Variants in SLC24A2 observed in about 807,000 individuals in gnomAD.
The protein encoded by SLC24A2 is sodium/potassium/calcium exchanger 2.
A neutral mutation model predicts 62.0 loss-of-function variants in SLC24A2; 36 were observed. The observed-to-expected ratio is 0.58, with a 90% CI of 0.44 to 0.77. The LOEUF (loss-of-function observed/expected upper bound fraction) is 0.77, where lower values mean the gene tolerates loss of function less well. Ranked by LOEUF, SLC24A2 falls within the 30% of genes least tolerant of loss-of-function variation. SLC24A2 has a pLI of 0.00. For synonymous variants in SLC24A2, 358 were observed against 294.0 expected (o/e 1.22, Z -2.23); for missense variants, 846 against 817.9 (o/e 1.03, Z -0.42).
At chr9:20,274,989 C>T in the SLC24A2 span, among the ~76,000 whole-genome samples, 1 of 152,014 alleles carries the variant, frequency 6.6e-6, no homozygotes, top group Non-Finnish European at 1.5e-5. Context: ...TCAGTCAGAC[C>T]CTAGATGACA....
At chr9:19,583,953 C>A (rs188358543) in intron 5 of SLC24A2, among the ~76,000 whole-genome samples, 266 of 152,194 alleles carry the variant, frequency 1.7e-3, no homozygotes, top group African/African-American at 6.1e-3. Context: ...CAATGTCCAA[C>A]CTGAAGGTTT....
intron 1 of SLC24A2, chr9:19,788,490 G>A (rs1699884958): frequency 1.0e-6 from 1 of 984,948 alleles, no homozygotes; most frequent in Non-Finnish European, 1.2e-6. Flanking sequence ...ACTTTCCCTG[G>A]TGGATTAATA....
chr9:19,543,072 T>C (rs1834357888), intron 8 of SLC24A2, among the ~76,000 whole-genome samples: 1 of 152,096 alleles, frequency 6.6e-6, no homozygotes, highest in Non-Finnish European at 1.5e-5. Context: ...GTTCTGGACT[T>C]TGGTAGGCTA....
At chr9:19,620,282 G>T (rs980354288) in intron 3 of SLC24A2, among the ~76,000 whole-genome samples, 1 of 152,188 alleles carries the variant, frequency 6.6e-6, no homozygotes, top group African/African-American at 2.4e-5. Flanking sequence ...AAGTTAAGAA[G>T]AATAACACAG....
At chr9:19,952,632 G>A in the SLC24A2 span, among the ~76,000 whole-genome samples, 2 of 147,320 alleles carry the variant, frequency 1.4e-5, no homozygotes, top group Non-Finnish European at 3.0e-5. Flanking sequence ...ACATTGTTGG[G>A]TTTGGTTGGC....
chr9:20,120,715 A>G, the SLC24A2 span, among the ~76,000 whole-genome samples: 3 of 152,116 alleles, frequency 2.0e-5, no homozygotes, highest in Non-Finnish European at 2.9e-5. Flanking sequence ...TTGGGGAAAA[A>G]AAAATAAGGA....
the SLC24A2 span, among the ~76,000 whole-genome samples, chr9:20,241,113 A>T: frequency 0.017 from 2,555 of 152,322 alleles, 79 homozygotes; most frequent in African/African-American, 0.058. Context: ...TACCTTTACC[A>T]ATGAAACCAC....
chr9:19,764,704 T>G (rs556721713), intron 2 of SLC24A2, among the ~76,000 whole-genome samples: 17 of 152,240 alleles, frequency 1.1e-4, no homozygotes, highest in African/African-American at 4.1e-4. Flanking sequence ...TGCTGTGGAG[T>G]GTTTTACTTC....
At chr9:20,297,446 G>T in the SLC24A2 span, among the ~76,000 whole-genome samples, 1 of 152,222 alleles carries the variant, frequency 6.6e-6, no homozygotes, top group Admixed American at 6.5e-5. Flanking sequence ...CCAGGGGAAG[G>T]TGGGATGGGA....
At chr9:19,639,644 C>A (rs886536788) in intron 2 of SLC24A2, among the ~76,000 whole-genome samples, 1 of 152,234 alleles carries the variant, frequency 6.6e-6, no homozygotes, top group Admixed American at 6.5e-5. Flanking sequence ...ATATGGGTCA[C>A]TTTAGTAATA....
chr9:19,963,520 A>T, the SLC24A2 span, among the ~76,000 whole-genome samples: 2 of 152,116 alleles, frequency 1.3e-5, no homozygotes, highest in African/African-American at 4.8e-5. Flanking sequence ...ACAAATTTAC[A>T]AGAAAAAAAC....
intron 7 of SLC24A2, among the ~76,000 whole-genome samples, chr9:19,566,958 T>TGTGGG (rs1835675971): frequency 6.9e-6 from 1 of 144,594 alleles, no homozygotes; most frequent in East Asian, 2.0e-4. Flanking sequence ...CGGGGCCTGT[T>TGTGGG]GTGGGGTGGG....
intron 2 of SLC24A2, among the ~76,000 whole-genome samples, chr9:19,641,545 C>CA (rs1167184846): frequency 2.8e-5 from 4 of 142,092 alleles, no homozygotes; most frequent in African/African-American, 1.0e-4. Flanking sequence ...GATGGAGTCT[C>CA]ACTCGGTCGC....
the SLC24A2 span, among the ~76,000 whole-genome samples, chr9:20,293,010 G>T: frequency 6.6e-6 from 1 of 152,188 alleles, no homozygotes; most frequent in Non-Finnish European, 1.5e-5. Context: ...TGGTTTGCTG[G>T]CAATCTTTGG....
At chr9:19,995,366 A>C in the SLC24A2 span, among the ~76,000 whole-genome samples, 2 of 152,036 alleles carry the variant, frequency 1.3e-5, no homozygotes, top group Non-Finnish European at 2.9e-5. Flanking sequence ...GAGAGCGTGG[A>C]GGTTATGTGT....
the SLC24A2 span, among the ~76,000 whole-genome samples, chr9:19,914,907 A>G: frequency 6.6e-6 from 1 of 152,094 alleles, no homozygotes; most frequent in Non-Finnish European, 1.5e-5. Flanking sequence ...CACACATTTG[A>G]TTTGTATTTT....
At chr9:20,055,476 A>G in the SLC24A2 span, among the ~76,000 whole-genome samples, 1 of 152,202 alleles carries the variant, frequency 6.6e-6, no homozygotes, top group Non-Finnish European at 1.5e-5. Context: ...TGTAAATTTC[A>G]TAACAACTCT....
chr9:19,829,465 G>A, the SLC24A2 span, among the ~76,000 whole-genome samples: 1 of 152,096 alleles, frequency 6.6e-6, no homozygotes, highest in East Asian at 1.9e-4. Context: ...ACATGGTTTG[G>A]CCAATGCCTT....
chr9:19,567,013 G>A (rs1835679215), intron 7 of SLC24A2, among the ~76,000 whole-genome samples: 1 of 151,612 alleles, frequency 6.6e-6, no homozygotes, highest in East Asian at 1.9e-4. Context: ...AATGTAAATG[G>A]CGAGTTAATG....
Sources: gnomAD v4.1 joint callset for allele counts (sites outside exome capture counted in the v4.1 genomes callset) on GRCh38, gnomAD v4.1.1 for gene constraint, MANE v1.5 for transcripts, NCBI Gene and HGNC (gene_info 2026-07-23, HGNC 2026-07-21) for gene names.